NARF: variants seen among roughly 807,000 people sequenced by gnomAD.
NARF encodes iron-only hydrogenase-like protein 2.
Under a neutral mutation model 48.0 loss-of-function variants are expected in NARF, and 41 were observed. The observed-to-expected ratio is 0.85, with a 90% CI of 0.66 to 1.11. The LOEUF is 1.11. Ranked by LOEUF, NARF falls within the 50% of genes least tolerant of loss-of-function variation. NARF has a pLI of 0.00. For missense variants in NARF, 613 were observed against 590.2 expected (o/e 1.04, Z -0.40); for synonymous variants, 215 against 225.5 (o/e 0.95, Z 0.42).
rs193067140 is a variant in NARF, at chr17:82,475,265, A to G, written c.520+2567A>G. ...AAGGAAGAGGCCGTGTAAAATGACA[A>G]CGAACTAAGGCCCATGCCCCTGGAG... On this transcript the variant is annotated intron_variant, in intron 5 of 10. Coordinates refer to ENST00000309794, the MANE Select transcript of NARF (RefSeq NM_012336.4). Among the ~76,000 whole-genome samples the G allele has an allele frequency of 1.1e-3, 168 of 152,308 alleles. 1 individual carries two copies. Among genetic ancestry groups the G allele is most frequent in the African/African-American group, 3.7e-3 (154 of 41,574 alleles).
intron 4 of NARF, among the ~76,000 whole-genome samples, chr17:82,471,319 G>A (rs2043697024): frequency 6.6e-6 from 1 of 151,552 alleles, no homozygotes; most frequent in South Asian, 2.1e-4. Flanking sequence ...GCCGGGCGTG[G>A]TGACGGGCGC....
In NARF at chr17:82,485,584, GA is replaced by G; in HGVS notation, c.1061del (p.Asn354ThrfsTer2). 1 of 1,614,234 alleles carries G rather than the reference GA, an allele frequency of 6.2e-7. No individual in the cohort carries two copies. Among genetic ancestry groups the G allele is most frequent in the Non-Finnish European group, 8.5e-7 (1 of 1,180,042 alleles). On this transcript the variant is annotated frameshift_variant, in exon 10 of 11. Transcript: ENST00000309794. LOFTEE classifies it high-confidence loss of function. ...AAAYGFRNIQNMILKLKKGKF... is the reference protein window; with the variant it reads ...AAAYGFRNIQXMILKLKKGKF... ...CAGCCTATGGCTTTCGAAACATCCA[GA>G]ACATGATCCTGAAGCTTAAGAAGGG...
At chr17:82,472,241 G>T (rs2043727522) in intron 4 of NARF, among the ~76,000 whole-genome samples, 1 of 152,148 alleles carries the variant, frequency 6.6e-6, no homozygotes, top group African/African-American at 2.4e-5. Flanking sequence ...CCAGCACTCT[G>T]GGAGGCCAAG....
rs1599827663 is a variant in NARF at position 82,468,841 on chromosome 17, C to T, written c.330C>T (p.Phe110=). 1 of 1,614,150 alleles carries T rather than the reference C, an allele frequency of 6.2e-7. No homozygotes were observed. The highest frequency in any genetic ancestry group is 2.2e-5 in the East Asian group (1 of 44,882). Residue 110 remains phenylalanine, a synonymous_variant, in exon 4 of 11, where the codon TTC becomes TTT. Coordinates refer to ENST00000309794, the MANE Select transcript of NARF (RefSeq NM_012336.4). ...PQSLPYFAAK[F]NLSVTDASRR... ...CTTTGCCTTATTTTGCTGCTAAATT[C>T]AACCTCAGTGTAACTGATGCATCCA...
intron 4 of NARF, 100 bp downstream of exon 4, chr17:82,468,996 C>A: frequency 7.4e-7 from 1 of 1,349,522 alleles, no homozygotes; most frequent in Non-Finnish European, 1.0e-6. Flanking sequence ...GGTAGATAAG[C>A]AACTTCCAAA....
At chr17:82,481,010 T>C (rs78524960) in intron 6 of NARF, 72 bp from the exon 7 acceptor site, 39,957 of 1,600,200 alleles carry the variant, frequency 0.025, 602 homozygotes, top group Admixed American at 0.052. Flanking sequence ...CCATCCCTCT[T>C]GTTCTGGGCA....
chr17:82,474,160 G>A (rs1043016395), intron 5 of NARF, among the ~76,000 whole-genome samples: 7 of 152,152 alleles, frequency 4.6e-5, no homozygotes, highest in African/African-American at 7.2e-5. Flanking sequence ...CAGCCTGGGC[G>A]AAAGACTGAG....
At chr17:82,487,787 C>CCCAAAA in intron 10 of NARF, 129 bp from the exon 11 acceptor site, 7 of 747,598 alleles carry the variant, frequency 9.4e-6, no homozygotes, top group Non-Finnish European at 1.5e-5. Context: ...CCCCTCCCGC[C>CCCAAAA]CAATCTCTAC....
intron 1 of NARF, 70 bp from the exon 2 acceptor site, chr17:82,459,922 C>A: frequency 1.8e-6 from 2 of 1,134,702 alleles, no homozygotes; most frequent in South Asian, 1.3e-5. Flanking sequence ...CTTCATTGGT[C>A]AGAATGTGCA....
At chr17:82,460,228 G>A in intron 2 of NARF, 156 bp downstream of exon 2, 1 of 587,672 alleles carries the variant, frequency 1.7e-6, no homozygotes, top group Non-Finnish European at 3.0e-6. Context: ...ACTTTGGGAG[G>A]CCGAGGTGGA....
chr17:82,481,119 C>G lies in NARF; in HGVS notation c.677C>G (p.Ala226Gly). 6.2e-7 allele frequency: 1 copy of G among 1,614,080 alleles called. No homozygotes were observed. The highest frequency in any genetic ancestry group is 8.5e-7 in the Non-Finnish European group (1 of 1,179,998). The change falls in exon 7 of 11, where the codon GCC (alanine) becomes GGC (glycine). Residue 226 changes from alanine (A) to glycine (G), a missense_variant. Coordinates refer to ENST00000309794, the MANE Select transcript of NARF (RefSeq NM_012336.4). ...SPEKIFHVIV[A>G]PCYDKKLEAL... The stretch of plus-strand genomic sequence containing the variant: ...GAGAAGATTTTCCACGTCATTGTGG[C>G]CCCTTGTTATGACAAGAAGCTGGAG...
rs1205493663 is a variant in NARF, at chr17:82,489,964, A to G, written c.*1807A>G. 1 of 151,800 alleles carries G rather than the reference A, an allele frequency of 6.6e-6. No homozygotes were observed. The highest frequency in any genetic ancestry group is 2.4e-5 in the African/African-American group (1 of 41,230). 9.4% of individuals were successfully genotyped at this position (151,800 alleles called of 1,614,324 possible). A position where few individuals can be genotyped will look rare whatever the true frequency, so the allele number is the denominator to read the frequency against. ...TGCCTCAGCCTCTGGAGTAGCTGGG[A>G]TTACAGGCGCGCGCCACCGCGCCTG... On this transcript the variant is annotated 3_prime_UTR_variant, in exon 11 of 11. Coordinates refer to ENST00000309794, the MANE Select transcript of NARF (RefSeq NM_012336.4).
intron 4 of NARF, among the ~76,000 whole-genome samples, chr17:82,472,052 A>G (rs1432542053): frequency 6.6e-6 from 1 of 152,198 alleles, no homozygotes; most frequent in Admixed American, 6.6e-5. Context: ...AATAAAAGGT[A>G]AAGCACACGG....
chr17:82,464,534 A>C (rs1038366927), intron 3 of NARF, 104 bp downstream of exon 3: 1 of 1,388,086 alleles, frequency 7.2e-7, no homozygotes, highest in African/African-American at 1.5e-5. Flanking sequence ...CATCGGATGC[A>C]CATCTCAGCC....
At position 82,464,365 on chromosome 17, in the gene NARF, G is replaced by A; in HGVS notation, c.187G>A (p.Glu63Lys). The A allele has an allele frequency of 6.2e-7, 1 of 1,614,132 alleles. No individual in the cohort carries two copies. Among genetic ancestry groups the A allele is most frequent in the Non-Finnish European group, 8.5e-7 (1 of 1,179,974 alleles). ...GGCATGTGACAGCTGTATGACTGCA[G>A]AGGAAGGAGTCCAACTTTCCCAGCA... ...CLACDSCMTA[E>K]EGVQLSQQNA... The change falls in exon 3 of 11, where the codon GAG (glutamate) becomes AAG (lysine). Residue 63 changes from glutamate (E) to lysine (K), a missense_variant. Transcript: ENST00000309794.
Position 82,481,954 on chromosome 17 carries a change from T to C in NARF, c.769+743T>C, listed in dbSNP as rs138186356. On this transcript the variant is annotated intron_variant, in intron 7 of 10. Coordinates refer to ENST00000309794, the MANE Select transcript of NARF (RefSeq NM_012336.4). ...AAAAGGCACGTTTGCTCCAGTGATA[T>C]TGCCTTTACCACGGTATTGGCCACT... 82 of 320,850 alleles carry C rather than the reference T, an allele frequency of 2.6e-4. 1 individual carries two copies. In the East Asian group the frequency reaches 6.4e-3, roughly 25 times the overall value. The allele number at this position is 320,850 out of a possible 1,614,324, so 19.9% of individuals were successfully genotyped here.
At chr17:82,461,691 GT>G (rs1369130427) in intron 2 of NARF, among the ~76,000 whole-genome samples, 1 of 152,222 alleles carries the variant, frequency 6.6e-6, no homozygotes, top group Non-Finnish European at 1.5e-5. Context: ...CATTATCCCT[GT>G]TTTACTGAGT....
chr17:82,478,752 A>G, intron 5 of NARF, 48 bp from the exon 6 acceptor site: 1 of 1,554,506 alleles, frequency 6.4e-7, no homozygotes, highest in Non-Finnish European at 8.9e-7. Context: ...TTACAGGAAG[A>G]CCAGAGGAAG....
intron 5 of NARF, among the ~76,000 whole-genome samples, chr17:82,473,660 C>T (rs1174828098): frequency 1.3e-5 from 2 of 151,522 alleles, no homozygotes; most frequent in Non-Finnish European, 2.9e-5. Flanking sequence ...CAGGTTCAAG[C>T]GATTCTTATG....
Sources: gnomAD v4.1 joint callset for allele counts (sites outside exome capture counted in the v4.1 genomes callset) on GRCh38, gnomAD v4.1.1 for gene constraint, MANE v1.5 for transcripts, NCBI Gene and HGNC (gene_info 2026-07-23, HGNC 2026-07-21) for gene names.